Variants in DCC observed in about 807,000 individuals in gnomAD.
DCC encodes DCC netrin 1 receptor, also known as netrin receptor DCC.
Under a neutral mutation model 172.5 loss-of-function variants are expected in DCC, and 58 were observed. The observed-to-expected ratio is 0.34, with a 90% CI of 0.27 to 0.42. The LOEUF (loss-of-function observed/expected upper bound fraction) is 0.42, where lower values mean the gene tolerates loss of function less well. Ranked by LOEUF, DCC falls within the 10% of genes least tolerant of loss-of-function variation. DCC has a pLI of 1.00. For synonymous variants in DCC, 709 were observed against 644.5 expected (o/e 1.10, Z -1.52); for missense variants, 1,740 against 1,791.0 (o/e 0.97, Z 0.51).
At chr18:52,557,945 G>C (rs1431009322) in intron 1 of DCC, among the ~76,000 whole-genome samples, 1 of 152,158 alleles carries the variant, frequency 6.6e-6, no homozygotes, top group Non-Finnish European at 1.5e-5. Context: ...ACAAACGTGA[G>C]CCACAGCAGA....
chr18:53,067,899 A>G (rs2042596734), intron 7 of DCC, among the ~76,000 whole-genome samples: 1 of 152,190 alleles, frequency 6.6e-6, no homozygotes, highest in Non-Finnish European at 1.5e-5. Context: ...AAATGTGCCT[A>G]TTAAGTCCTT....
At chr18:53,129,869 C>T (rs920637509) in intron 7 of DCC, among the ~76,000 whole-genome samples, 2 of 152,046 alleles carry the variant, frequency 1.3e-5, no homozygotes, top group African/African-American at 2.4e-5. Flanking sequence ...AATAGAATTG[C>T]TAGGCCATAT....
chr18:52,962,498 C>T (rs2040858381), intron 5 of DCC, among the ~76,000 whole-genome samples: 1 of 151,814 alleles, frequency 6.6e-6, no homozygotes, highest in Non-Finnish European at 1.5e-5. Context: ...CACTTTTACA[C>T]TGTTGGTGGG....
rs2057584660 is a variant in DCC at position 53,335,782 on chromosome 18, G to T, written c.2165-3931G>T. On this transcript the variant is annotated intron_variant, in intron 14 of 28. Coordinates refer to ENST00000442544, the MANE Select transcript of DCC (RefSeq NM_005215.4). ...ACAGGGCAATTTACAGAAGCAAGAG[G>T]TTTAATGGACTCACAGCTCCACATA... is the stretch of plus-strand genomic sequence containing the variant. 2.0e-5 allele frequency among the ~76,000 whole-genome samples: 3 copies of T among 152,128 alleles called. No individual in the cohort carries two copies. The South Asian group carries it at 6.2e-4, about 32-fold the overall frequency.
intron 1 of DCC, among the ~76,000 whole-genome samples, chr18:52,342,650 A>G (rs1487237803): frequency 2.0e-5 from 3 of 152,180 alleles, no homozygotes; most frequent in South Asian, 4.1e-4. Context: ...GGCATCCCTT[A>G]CTGGGTAGAA....
chr18:52,416,299 G>A (rs1486506254), intron 1 of DCC, among the ~76,000 whole-genome samples: 2 of 151,768 alleles, frequency 1.3e-5, no homozygotes, highest in African/African-American at 2.4e-5. Context: ...CCAAGTATGT[G>A]GTCAATTTTG....
intron 1 of DCC, among the ~76,000 whole-genome samples, chr18:52,487,810 C>CAA (rs5824940): frequency 0.11 from 8,329 of 74,174 alleles, 1,213 homozygotes; most frequent in Non-Finnish European, 0.13. Context: ...GACTCCACCT[C>CAA]AAAAAAAAAA....
At chr18:52,615,711 A>T (rs908373165) in intron 1 of DCC, among the ~76,000 whole-genome samples, 4 of 152,162 alleles carry the variant, frequency 2.6e-5, no homozygotes, top group Non-Finnish European at 4.4e-5. Flanking sequence ...CCCAAAATTG[A>T]GAACAATTAA....
chr18:53,147,977 TCTTA>T (rs762967123), intron 7 of DCC, among the ~76,000 whole-genome samples: 29 of 152,312 alleles, frequency 1.9e-4, no homozygotes, highest in South Asian at 4.1e-4. Flanking sequence ...CTTTAGTTCT[TCTTA>T]CTTAAGTTGT....
chr18:52,680,215 A>G (rs143369383), intron 1 of DCC, among the ~76,000 whole-genome samples: 1 of 152,224 alleles, frequency 6.6e-6, no homozygotes, highest in Non-Finnish European at 1.5e-5. Flanking sequence ...CAATTACATT[A>G]TGGCAAACTT....
intron 5 of DCC, among the ~76,000 whole-genome samples, chr18:52,968,601 T>A (rs767590965): frequency 7.9e-5 from 12 of 152,132 alleles, no homozygotes; most frequent in Non-Finnish European, 1.6e-4. Context: ...GGAATTTACC[T>A]CTTAACCATC....
intron 1 of DCC, among the ~76,000 whole-genome samples, chr18:52,508,784 TA>T (rs2031326171): frequency 3.3e-5 from 5 of 152,318 alleles, no homozygotes; most frequent in African/African-American, 1.2e-4. Context: ...ACACATAAGT[TA>T]TAAAAGAGAT....
chr18:53,075,419 T>C (rs1364918536), intron 7 of DCC, among the ~76,000 whole-genome samples: 2 of 152,338 alleles, frequency 1.3e-5, no homozygotes, highest in African/African-American at 4.8e-5. Flanking sequence ...AAATGAATTC[T>C]GCAGTAATAT....
At chr18:52,411,623 A>G (rs1326528145) in intron 1 of DCC, among the ~76,000 whole-genome samples, 3 of 152,060 alleles carry the variant, frequency 2.0e-5, no homozygotes, top group Non-Finnish European at 4.4e-5. Flanking sequence ...TCCTCCTTTC[A>G]TTCATTCATC....
chr18:53,313,565 C>A lies in DCC; in HGVS notation c.2053+7846C>A, dbSNP rs1040595964. Among the ~76,000 whole-genome samples, 10 of 152,258 alleles carry A rather than the reference C, an allele frequency of 6.6e-5. No homozygotes were observed. In the Middle Eastern group the frequency reaches 0.01, roughly 155 times the overall value. On this transcript the variant is annotated intron_variant, in intron 13 of 28. Coordinates refer to ENST00000442544, the MANE Select transcript of DCC (RefSeq NM_005215.4). Reference sequence around the variant, plus strand: ...CCGGCCGCATTTCTAAGCAAGAGAACAAATTAACTCTTCTTGAGACTGAAT... The same window carrying A: ...CCGGCCGCATTTCTAAGCAAGAGAAAAAATTAACTCTTCTTGAGACTGAAT...
intron 12 of DCC, among the ~76,000 whole-genome samples, chr18:53,268,395 A>C (rs767375184): frequency 1.2e-4 from 19 of 152,204 alleles, no homozygotes; most frequent in Non-Finnish European, 2.4e-4. Context: ...CAATTAATAA[A>C]ATTTAAAATC....
chr18:52,847,829 G>A lies in DCC; in HGVS notation c.413-58215G>A, dbSNP rs115337006. 2.2e-3 allele frequency among the ~76,000 whole-genome samples: 334 copies of A among 152,218 alleles called. 2 individuals are homozygous for A. The highest frequency in any genetic ancestry group is 7.7e-3 in the African/African-American group (318 of 41,532). ...ACCCTAGTTGAATGGTATAACTTAA[G>A]GATTTATTAGCCTTGTAACTTTGAG... On this transcript the variant is annotated intron_variant, in intron 2 of 28. Coordinates refer to ENST00000442544, the MANE Select transcript of DCC (RefSeq NM_005215.4).
intron 7 of DCC, among the ~76,000 whole-genome samples, chr18:53,108,147 A>G (rs1392719730): frequency 6.8e-6 from 1 of 146,204 alleles, no homozygotes; most frequent in East Asian, 2.1e-4. Flanking sequence ...CATAAGACTT[A>G]TATGGAAGAA....
At chr18:53,181,714 G>A (rs1250389670) in intron 9 of DCC, among the ~76,000 whole-genome samples, 7 of 152,124 alleles carry the variant, frequency 4.6e-5, no homozygotes, top group Admixed American at 3.9e-4. Context: ...TGTTAGAAAA[G>A]CATATGTGAG....
Sources: allele counts gnomAD v4.1 joint callset (sites outside exome capture counted in the v4.1 genomes callset), GRCh38; gene constraint gnomAD v4.1.1; transcripts MANE v1.5; gene names NCBI Gene and HGNC (gene_info 2026-07-23, HGNC 2026-07-21).